Variants in RBFOX1 observed in about 807,000 individuals in gnomAD.
The protein encoded by RBFOX1 is RNA binding protein fox-1 homolog 1.
RBFOX1 carries 8 observed loss-of-function variants against 57.7 expected under a neutral mutation model. The observed-to-expected ratio is 0.14, with a 90% CI of 0.08 to 0.25. The LOEUF is 0.25. Among genes scored for constraint, RBFOX1 ranks in the 10% least tolerant of loss-of-function variants. The pLI is 1.00. For missense variants in RBFOX1, 611 were observed against 548.5 expected, an observed-to-expected ratio of 1.11 and a Z score of -1.14; for synonymous variants, 326 against 222.4, an observed-to-expected ratio of 1.47 and a Z score of -4.15.
chr16:6,545,583 C>G (rs929911739), intron 2 of RBFOX1, among the ~76,000 whole-genome samples: 8 of 152,160 alleles, frequency 5.3e-5, no homozygotes, highest in Non-Finnish European at 8.8e-5. Context: ...AATTCCCAAC[C>G]CCTCCGATAA....
chr16:5,303,541 A>G (rs929067182), intron 1 of RBFOX1, among the ~76,000 whole-genome samples: 1 of 152,130 alleles, frequency 6.6e-6, no homozygotes, highest in African/African-American at 2.4e-5. Context: ...TGGCTGTGGG[A>G]GTCACAGATG....
chr16:5,822,828 G>A (rs1037743938), intron 3 of RBFOX1, among the ~76,000 whole-genome samples: 1 of 152,174 alleles, frequency 6.6e-6, no homozygotes, highest in Non-Finnish European at 1.5e-5. Flanking sequence ...TTAAGTTCCA[G>A]CTCTGCCATG....
intron 4 of RBFOX1, among the ~76,000 whole-genome samples, chr16:7,352,185 G>A (rs909921329): frequency 3.3e-5 from 5 of 152,238 alleles, no homozygotes; most frequent in Admixed American, 2.6e-4. Flanking sequence ...TTGCAGCATG[G>A]CAGATTTGCA....
chr16:5,418,293 G>C (rs913568775), intron 1 of RBFOX1, among the ~76,000 whole-genome samples: 7 of 151,974 alleles, frequency 4.6e-5, no homozygotes, highest in Non-Finnish European at 1.0e-4. Context: ...GCTGGGGATA[G>C]AGTAGGCAGC....
intron 3 of RBFOX1, among the ~76,000 whole-genome samples, chr16:6,769,710 T>A (rs900115949): frequency 2.0e-5 from 3 of 152,194 alleles, no homozygotes; most frequent in Admixed American, 2.0e-4. Flanking sequence ...AGGATAAGCT[T>A]CTGTGGCTTG....
At chr16:6,058,963 C>T (rs1220236996) in intron 1 of RBFOX1, among the ~76,000 whole-genome samples, 1 of 152,224 alleles carries the variant, frequency 6.6e-6, no homozygotes. Context: ...GAATCTGGAA[C>T]AACTAACTCA....
At position 6,761,499 on chromosome 16, in the gene RBFOX1, C is replaced by T. The variant is rs369131017; in HGVS notation, c.-16+106849C>T. Among the ~76,000 whole-genome samples the T allele has an allele frequency of 5.0e-3, 213 of 42,882 alleles. 2 individuals are homozygous for T. Among genetic ancestry groups the T allele is most frequent in the African/African-American group, 0.012 (205 of 17,182 alleles). The allele number at this position is 42,882 out of a possible 152,430, so 28.1% of individuals were successfully genotyped here. On this transcript the variant is annotated intron_variant, in intron 3 of 15. Transcript: ENST00000550418. ...TAATAGTTTTCCTTTCTCCCAATCT[C>T]CTTTTTTTTTTTTTTTTTTTTTTTT...
At chr16:6,701,232 G>T (rs554477385) in intron 3 of RBFOX1, among the ~76,000 whole-genome samples, 2 of 152,266 alleles carry the variant, frequency 1.3e-5, no homozygotes, top group African/African-American at 4.8e-5. Context: ...GCCCCAGGAA[G>T]GGTGTGATCC....
At chr16:5,315,464 T>C (rs1471303764) in intron 1 of RBFOX1, among the ~76,000 whole-genome samples, 1 of 152,198 alleles carries the variant, frequency 6.6e-6, no homozygotes, top group East Asian at 1.9e-4. Context: ...CTGGAGTTTC[T>C]TGGAGCAGCT....
chr16:5,853,540 A>T (rs1470571390), intron 3 of RBFOX1, among the ~76,000 whole-genome samples: 1 of 152,104 alleles, frequency 6.6e-6, no homozygotes, highest in Non-Finnish European at 1.5e-5. Flanking sequence ...TGACTTGGAG[A>T]TCTCTCTTGA....
intron 3 of RBFOX1, among the ~76,000 whole-genome samples, chr16:6,673,390 C>G (rs2098779985): frequency 6.6e-6 from 1 of 152,090 alleles, no homozygotes; most frequent in Non-Finnish European, 1.5e-5. Context: ...GAGTTTGAGA[C>G]CAGCCTGGTC....
intron 3 of RBFOX1, among the ~76,000 whole-genome samples, chr16:6,846,592 GGAAAC>G (rs1471986123): frequency 6.6e-6 from 1 of 152,190 alleles, no homozygotes; most frequent in African/African-American, 2.4e-5. Context: ...CTACAAATGT[GGAAAC>G]GCACGAAGAC....
intron 1 of RBFOX1, among the ~76,000 whole-genome samples, chr16:5,379,327 C>G (rs1481438620): frequency 6.6e-6 from 1 of 151,338 alleles, no homozygotes; most frequent in Admixed American, 6.6e-5. Flanking sequence ...TTTATCTTTC[C>G]ACATTCAGAC....
intron 4 of RBFOX1, among the ~76,000 whole-genome samples, chr16:7,300,244 T>G (rs939320278): frequency 3.3e-5 from 5 of 151,790 alleles, no homozygotes; most frequent in African/African-American, 1.2e-4. Context: ...GAATGTAAAC[T>G]GTCTAATGTC....
intron 1 of RBFOX1, among the ~76,000 whole-genome samples, chr16:6,039,347 GAAAAAA>G (rs58081772): frequency 7.3e-6 from 1 of 136,302 alleles, no homozygotes; most frequent in Non-Finnish European, 1.5e-5. Flanking sequence ...CTGCTTTCTG[GAAAAAA>G]AAAAAAAAAA....
At chr16:5,689,152 C>T (rs887262496) in intron 3 of RBFOX1, among the ~76,000 whole-genome samples, 1 of 152,174 alleles carries the variant, frequency 6.6e-6, no homozygotes, top group Non-Finnish European at 1.5e-5. Context: ...AAGGTCACGT[C>T]CAGAGAACTG....
intron 4 of RBFOX1, among the ~76,000 whole-genome samples, chr16:7,214,520 GTC>G (rs1222992572): frequency 6.6e-6 from 1 of 151,792 alleles, no homozygotes; most frequent in Non-Finnish European, 1.5e-5. Context: ...AACCTCATCC[GTC>G]TCTCAGACAG....
At chr16:7,536,202 T>C (rs901476107) in intron 5 of RBFOX1, among the ~76,000 whole-genome samples, 1 of 152,144 alleles carries the variant, frequency 6.6e-6, no homozygotes, top group Non-Finnish European at 1.5e-5. Flanking sequence ...AAAACTTCTG[T>C]GAAGGAAAGG....
chr16:7,599,808 T>TC (rs1029473132), intron 9 of RBFOX1, among the ~76,000 whole-genome samples: 2 of 150,998 alleles, frequency 1.3e-5, no homozygotes, highest in African/African-American at 4.9e-5. Context: ...AGTTTTTTTT[T>TC]TTATTTTTTG....
Sources: gnomAD v4.1 joint callset for allele counts (sites outside exome capture counted in the v4.1 genomes callset) on GRCh38, gnomAD v4.1.1 for gene constraint, MANE v1.5 for transcripts, NCBI Gene and HGNC (gene_info 2026-07-23, HGNC 2026-07-21) for gene names.